Variants in SRBD1 observed in about 807,000 individuals in gnomAD.
SRBD1 encodes S1 RNA-binding domain-containing protein 1.
Under a neutral mutation model 115.3 loss-of-function variants are expected in SRBD1, and 88 were observed. That is an observed-to-expected ratio of 0.76 (90% CI 0.64 to 0.91). The LOEUF is 0.91. Ranked by LOEUF, SRBD1 falls within the 40% of genes least tolerant of loss-of-function variation. The pLI is 0.00. For synonymous variants in SRBD1, 509 were observed against 407.7 expected (o/e 1.25, Z -2.99); for missense variants, 1,385 against 1,177.4 (o/e 1.18, Z -2.58).
rs1222034895 is a variant in SRBD1 at position 45,530,982 on chromosome 2, C to A, written c.1874+15750G>T. On this transcript the variant is annotated intron_variant, in intron 14 of 20. Coordinates refer to ENST00000263736, the MANE Select transcript of SRBD1 (RefSeq NM_018079.5). ...CAAATGGGCAAGATGTACCTCTCCA[C>A]CCACTTTCTTCATCACAGAATCAAT... Among the ~76,000 whole-genome samples the A allele has an allele frequency of 2.0e-5, 3 of 148,160 alleles. No homozygotes were observed. The East Asian group carries it at 5.8e-4, about 29-fold the overall frequency.
intron 4 of SRBD1, among the ~76,000 whole-genome samples, chr2:45,588,975 A>G (rs1411851634): frequency 1.3e-5 from 2 of 152,206 alleles, no homozygotes; most frequent in East Asian, 3.8e-4. Context: ...TATATTCTCT[A>G]TCACATCCAT....
chr2:45,446,660 T>C (rs1224967737), intron 16 of SRBD1, among the ~76,000 whole-genome samples: 1 of 150,680 alleles, frequency 6.6e-6, no homozygotes, highest in Non-Finnish European at 1.5e-5. Flanking sequence ...TTCAACCCAA[T>C]TAATAAAAAG....
At chr2:45,548,752 C>T (rs1672199616) in intron 12 of SRBD1, among the ~76,000 whole-genome samples, 1 of 148,952 alleles carries the variant, frequency 6.7e-6, no homozygotes. Context: ...ATATTTCCCA[C>T]TGGCTGTAAA....
At position 45,457,637 on chromosome 2, in the gene SRBD1, C is replaced by G. The variant is rs575216358; in HGVS notation, c.2049+19356G>C. ...TTAAAGTAATATAAGAAATGTCATT[C>G]TCACGGCGTATGTTAAAAAAATACC... On this transcript the variant is annotated intron_variant, in intron 16 of 20. Coordinates refer to ENST00000263736, the MANE Select transcript of SRBD1 (RefSeq NM_018079.5). 2.6e-5 allele frequency among the ~76,000 whole-genome samples: 4 copies of G among 152,066 alleles called. 1 individual carries two copies. In the South Asian group the frequency reaches 8.3e-4, roughly 32 times the overall value.
chr2:45,549,592 G>C (rs908673097), intron 12 of SRBD1, among the ~76,000 whole-genome samples: 2 of 149,828 alleles, frequency 1.3e-5, no homozygotes, highest in Admixed American at 1.3e-4. Flanking sequence ...GGCTCATGCT[G>C]GTAATCCCAG....
intron 2 of SRBD1, among the ~76,000 whole-genome samples, chr2:45,602,470 T>C (rs1246569458): frequency 6.6e-6 from 1 of 152,238 alleles, no homozygotes; most frequent in Non-Finnish European, 1.5e-5. Flanking sequence ...AGTTCCCAAC[T>C]ACTAATCAAA....
intron 6 of SRBD1, among the ~76,000 whole-genome samples, chr2:45,580,935 G>A (rs946778315): frequency 6.0e-5 from 9 of 151,150 alleles, no homozygotes; most frequent in South Asian, 4.2e-4. Context: ...AGCCCACCTC[G>A]GCCTCCCAAA....
intron 14 of SRBD1, among the ~76,000 whole-genome samples, chr2:45,493,195 A>G (rs1346836808): frequency 6.6e-6 from 1 of 152,254 alleles, no homozygotes; most frequent in Non-Finnish European, 1.5e-5. Context: ...AGACTGAGAA[A>G]CATATCGTGA....
intron 16 of SRBD1, among the ~76,000 whole-genome samples, chr2:45,429,710 G>T (rs572022793): frequency 6.6e-6 from 1 of 152,182 alleles, no homozygotes; most frequent in Non-Finnish European, 1.5e-5. Flanking sequence ...ACCTGGAAAC[G>T]TTCCCTTTGA....
chr2:45,585,904 A>C (rs1199332025), intron 4 of SRBD1, 130 bp from the exon 5 acceptor site: 1 of 694,296 alleles, frequency 1.4e-6, no homozygotes, highest in Non-Finnish European at 2.2e-6. Context: ...TTTTTTAAAA[A>C]AAAGAAAGCC....
At chr2:45,435,573 C>G (rs73925658) in intron 16 of SRBD1, among the ~76,000 whole-genome samples, 1 of 142,556 alleles carries the variant, frequency 7.0e-6, no homozygotes, top group Non-Finnish European at 1.5e-5. Flanking sequence ...AAAAAAAAAA[C>G]AAAAAAAAAA....
rs868160130 is a variant in SRBD1 at position 45,579,935 on chromosome 2, C to T, written c.1012G>A (p.Ala338Thr). The T allele has an allele frequency of 6.2e-7, 1 of 1,609,784 alleles. No homozygotes were observed. The highest frequency in any genetic ancestry group is 1.3e-5 in the African/African-American group (1 of 74,822). ...AGCTCCCCTGGTTTCTCAAGCAGTG[C>T]CCTGGCTGCTCCTTCTAAGCCCAAC... Reference protein sequence around the residue: ...RQLGLEGAARALLEKPGELSL... With the variant: ...RQLGLEGAARTLLEKPGELSL... Residue 338 changes from alanine to threonine, a missense_variant, in exon 7 of 21, where the codon GCA becomes ACA. By Grantham distance (58) the Ala-to-Thr change is moderately conservative. Coordinates refer to ENST00000263736, the MANE Select transcript of SRBD1 (RefSeq NM_018079.5).
chr2:45,597,252 C>A (rs1673931818), intron 4 of SRBD1, among the ~76,000 whole-genome samples: 1 of 152,074 alleles, frequency 6.6e-6, no homozygotes, highest in Non-Finnish European at 1.5e-5. Context: ...AACCGTGTCT[C>A]TACTAAAAAT....
At chr2:45,550,364 AC>A (rs1049772721) in intron 12 of SRBD1, among the ~76,000 whole-genome samples, 111 of 152,288 alleles carry the variant, frequency 7.3e-4, no homozygotes, top group African/African-American at 2.6e-3. Flanking sequence ...CCACTGAAGC[AC>A]ATCATAAGAA....
intron 18 of SRBD1, among the ~76,000 whole-genome samples, chr2:45,415,940 G>A (rs1317749363): frequency 6.6e-6 from 1 of 152,046 alleles, no homozygotes; most frequent in Non-Finnish European, 1.5e-5. Context: ...ATTAACTCCA[G>A]AGGTCAGTCC....
Position 45,548,073 on chromosome 2 carries a change from TA to T in SRBD1, c.1676-462del, listed in dbSNP as rs2104038497. ...AAATATTTTTTATTGAAAATATTTA[TA>T]ACAATTAAATTTAAAATAATTAAAA... On this transcript the variant is annotated intron_variant, in intron 12 of 20. Coordinates refer to ENST00000263736, the MANE Select transcript of SRBD1 (RefSeq NM_018079.5). Among the ~76,000 whole-genome samples the T allele has an allele frequency of 2.0e-5, 3 of 151,602 alleles. 1 individual carries two copies. Among genetic ancestry groups the T allele is most frequent in the African/African-American group, 7.2e-5 (3 of 41,540 alleles).
chr2:45,474,969 T>C (rs1321416994), intron 16 of SRBD1, among the ~76,000 whole-genome samples: 1 of 152,224 alleles, frequency 6.6e-6, no homozygotes, highest in African/African-American at 2.4e-5. Flanking sequence ...CAGCCCACCA[T>C]CTTGATGACG....
intron 16 of SRBD1, among the ~76,000 whole-genome samples, chr2:45,474,873 T>G (rs1026986891): frequency 1.3e-5 from 2 of 152,202 alleles, no homozygotes; most frequent in Non-Finnish European, 1.5e-5. Context: ...TAGGTACACA[T>G]GTACACCTTT....
chr2:45,511,351 T>C (rs1229015629), intron 14 of SRBD1, among the ~76,000 whole-genome samples: 1 of 152,238 alleles, frequency 6.6e-6, no homozygotes, highest in Non-Finnish European at 1.5e-5. Flanking sequence ...AATCATACTG[T>C]ATCTTTTTCA....
Sources: allele counts gnomAD v4.1 joint callset (sites outside exome capture counted in the v4.1 genomes callset), GRCh38; gene constraint gnomAD v4.1.1; transcripts MANE v1.5; gene names NCBI Gene and HGNC (gene_info 2026-07-23, HGNC 2026-07-21).